MAP3K21: variants seen among roughly 807,000 people sequenced by gnomAD.
The protein encoded by MAP3K21 is mitogen-activated protein kinase kinase kinase 21.
In MAP3K21, 63 loss-of-function variants were observed where a neutral mutation model predicts 86.1. The observed-to-expected ratio is 0.73, with a 90% CI of 0.60 to 0.90. The LOEUF (loss-of-function observed/expected upper bound fraction) is 0.90. MAP3K21 is among the 40% of genes least tolerant of loss of function. MAP3K21 has a pLI of 0.00. For synonymous variants in MAP3K21, 558 were observed against 564.8 expected (o/e 0.99, Z 0.17); for missense variants, 1,220 against 1,367.7 (o/e 0.89, Z 1.70).
chr1:233,327,946 A>G lies in MAP3K21; in HGVS notation c.-83A>G, dbSNP rs914728504. 2 of 1,137,848 alleles carry G rather than the reference A, an allele frequency of 1.8e-6. No homozygotes were observed. Among genetic ancestry groups the G allele is most frequent in the Non-Finnish European group, 2.2e-6 (2 of 906,646 alleles). The allele number at this position is 1,137,848 out of a possible 1,614,324, so 70.5% of individuals were successfully genotyped here. Reference sequence around the variant, plus strand: ...TCGCCTTCCCCCGGCGCCGACGGCCACACCGCCGGACGATGCGCGCCCGCG... The same window carrying G: ...TCGCCTTCCCCCGGCGCCGACGGCCGCACCGCCGGACGATGCGCGCCCGCG... On this transcript the variant is annotated 5_prime_UTR_variant, in exon 1 of 10. Coordinates refer to ENST00000366624, the MANE Select transcript of MAP3K21 (RefSeq NM_032435.3).
chr1:233,347,325 C>T (rs1211884041), intron 2 of MAP3K21, among the ~76,000 whole-genome samples: 3 of 152,150 alleles, frequency 2.0e-5, no homozygotes, highest in Admixed American at 6.5e-5. Context: ...ATTAAAGTCT[C>T]CTATTTGAAG....
At position 233,328,369 on chromosome 1, in the gene MAP3K21, G is replaced by A. The variant is rs1255555413; in HGVS notation, c.341G>A (p.Ser114Asn). Residue 114 changes from serine to asparagine, a missense_variant, in exon 1 of 10, where the codon AGC becomes AAC. Ser to Asn is a conservative substitution (Grantham distance 46). Coordinates refer to ENST00000366624, the MANE Select transcript of MAP3K21 (RefSeq NM_032435.3). The surrounding 1 kb of genome is among the most constrained non-coding windows in gnomAD (Gnocchi z 8.7). ...CCCGCGCCGCCGCCCTCGCGGCCCA[G>A]CTCCCCGGTACACGTCGCCTTCGAG... is the stretch of plus-strand genomic sequence containing the variant. ...ASPAPPPSRPSSPVHVAFERL... is the reference protein window; with the variant it reads ...ASPAPPPSRPNSPVHVAFERL... 23 of 1,477,802 alleles carry A rather than the reference G, an allele frequency of 1.6e-5. No homozygotes were observed. Among genetic ancestry groups the A allele is most frequent in the Non-Finnish European group, 2.0e-5 (22 of 1,122,470 alleles). The allele number at this position is 1,477,802 out of a possible 1,614,324, so 91.5% of individuals were successfully genotyped here. A position where few individuals can be genotyped will look rare whatever the true frequency, so the allele number is the denominator to read the frequency against.
chr1:233,346,522 T>C lies in MAP3K21; in HGVS notation c.886T>C (p.Trp296Arg). The C allele has an allele frequency of 6.2e-7, 1 of 1,613,884 alleles. No homozygotes were observed. Among genetic ancestry groups the C allele is most frequent in the Non-Finnish European group, 8.5e-7 (1 of 1,179,812 alleles). Residue 296 changes from tryptophan (W) to arginine (R), a missense_variant, in exon 2 of 10, where the codon TGG becomes CGG. Physicochemically the swap from Trp to Arg is moderately radical, Grantham distance 101. Coordinates refer to ENST00000366624, the MANE Select transcript of MAP3K21 (RefSeq NM_032435.3). Reference protein sequence around the residue: ...KITDFGLAREWHRTTKMSTAG... With the variant: ...KITDFGLARERHRTTKMSTAG... ...TACAGATTTTGGGTTGGCGAGGGAA[T>C]GGCACAGGACCACCAAAATGAGCAC...
chr1:233,349,942 GA>G (rs756071594), intron 2 of MAP3K21, among the ~76,000 whole-genome samples: 2,701 of 138,122 alleles, frequency 0.02, 65 homozygotes, highest in East Asian at 0.068. Flanking sequence ...TCTCAAAAAA[GA>G]AAAAAAAAAA....
At position 233,362,050 on chromosome 1, in the gene MAP3K21, C is replaced by A. The variant is rs1322736281; in HGVS notation, c.1312-3C>A. 6.2e-7 allele frequency: 1 copy of A among 1,610,922 alleles called. No individual in the cohort carries two copies. The highest frequency in any genetic ancestry group is 1.7e-5 in the Admixed American group (1 of 59,698). ...TTCCGGTGGGTGTGAATCTGTGTCG[C>A]AGGAGCTGCGATCCCGGGAAGAGGA... On this transcript the variant is annotated splice_polypyrimidine_tract_variant and splice_region_variant and intron_variant, in intron 4 of 9. Coordinates refer to ENST00000366624, the MANE Select transcript of MAP3K21 (RefSeq NM_032435.3).
intron 4 of MAP3K21, among the ~76,000 whole-genome samples, chr1:233,356,063 C>T (rs1388245619): frequency 6.6e-6 from 1 of 152,148 alleles, no homozygotes; most frequent in East Asian, 1.9e-4. Flanking sequence ...AACCTTGGCA[C>T]ACGTTCTTTC....
intron 2 of MAP3K21, among the ~76,000 whole-genome samples, chr1:233,348,403 G>A (rs1663188861): frequency 6.6e-6 from 1 of 152,184 alleles, no homozygotes; most frequent in Non-Finnish European, 1.5e-5. Flanking sequence ...CATTTGGGTT[G>A]TTTCCAATTT....
At chr1:233,380,875 C>T (rs1372533918) in intron 9 of MAP3K21, among the ~76,000 whole-genome samples, 1 of 152,182 alleles carries the variant, frequency 6.6e-6, no homozygotes, top group East Asian at 1.9e-4. Flanking sequence ...CAGTGTCTCA[C>T]TCCTCCTCAC....
In MAP3K21 at chr1:233,327,932, C is replaced by A; in HGVS notation, c.-97C>A. On this transcript the variant is annotated 5_prime_UTR_variant, in exon 1 of 10. Transcript: ENST00000366624. ...CGATTCCTACCCCCTCGCCTTCCCC[C>A]GGCGCCGACGGCCACACCGCCGGAC... The A allele has an allele frequency of 2.0e-6, 2 of 1,012,572 alleles. No homozygotes were observed. Among genetic ancestry groups the A allele is most frequent in the Non-Finnish European group, 2.5e-6 (2 of 792,422 alleles). The allele number at this position is 1,012,572 out of a possible 1,614,324, so 62.7% of individuals were successfully genotyped here.
In MAP3K21 at chr1:233,377,101, G is replaced by GATAAATAAATAAATAA. The variant is rs57896561; in HGVS notation, c.1924+583_1924+598dup. Among the ~76,000 whole-genome samples, 98 of 150,990 alleles carry GATAAATAAATAAATAA rather than the reference G, an allele frequency of 6.5e-4. No homozygotes were observed. In the East Asian group the frequency reaches 7.8e-3, roughly 12 times the overall value. On this transcript the variant is annotated intron_variant, in intron 8 of 9. Coordinates refer to ENST00000366624, the MANE Select transcript of MAP3K21 (RefSeq NM_032435.3). ...TAGAGTGAATGAGACTCTATCTCTA[G>GATAAATAAATAAATAA]ATAAATAAATAAATAAATAAATAAG...
Position 233,328,000 on chromosome 1 carries a change from C to T in MAP3K21, c.-29C>T, listed in dbSNP as rs1488724201. On this transcript the variant is annotated 5_prime_UTR_variant, in exon 1 of 10. Coordinates refer to ENST00000366624, the MANE Select transcript of MAP3K21 (RefSeq NM_032435.3). ...GCCCGGGAGGCTGAGCCCAGCTTCC[C>T]GCTCCGCCTTCCCCGCGCAGCTGCC... 1.6e-6 allele frequency: 2 copies of T among 1,250,230 alleles called. No homozygotes were observed. Among genetic ancestry groups the T allele is most frequent in the African/African-American group, 3.1e-5 (2 of 63,934 alleles). The allele number at this position is 1,250,230 out of a possible 1,614,324, so 77.4% of individuals were successfully genotyped here. A position where few individuals can be genotyped will look rare whatever the true frequency, so the allele number is the denominator to read the frequency against.
chr1:233,339,299 TC>T, intron 1 of MAP3K21, among the ~76,000 whole-genome samples: 2 of 139,188 alleles, frequency 1.4e-5, no homozygotes, highest in African/African-American at 5.4e-5. Context: ...TTCCTCTTCT[TC>T]TTCCTCTTCT....
chr1:233,353,959 T>TTG lies in MAP3K21; in HGVS notation c.1135+22_1135+23dup, dbSNP rs367946480. The TTG allele has an allele frequency of 3.2e-4, 476 of 1,506,438 alleles. No homozygotes were observed. Among genetic ancestry groups the TTG allele is most frequent in the East Asian group, 2.0e-3 (82 of 41,578 alleles). The allele number at this position is 1,506,438 out of a possible 1,614,324, so 93.3% of individuals were successfully genotyped here. ...CCGTTTGCCAAGCTCATGAAAGGTA[T>TTG]TGTGTGTGTGTGTGTGTGTCTTTGT... On this transcript the variant is annotated splice_donor_region_variant and intron_variant, in intron 3 of 9. Transcript: ENST00000366624.
At position 233,382,977 on chromosome 1, in the gene MAP3K21, G is replaced by C; in HGVS notation, c.*266G>C. The C allele has an allele frequency of 3.1e-6, 1 of 320,600 alleles. No individual in the cohort carries two copies. Among genetic ancestry groups the C allele is most frequent in the Non-Finnish European group, 5.8e-6 (1 of 172,116 alleles). 19.9% of individuals were successfully genotyped at this position (320,600 alleles called of 1,614,324 possible). On this transcript the variant is annotated 3_prime_UTR_variant, in exon 10 of 10. Coordinates refer to ENST00000366624, the MANE Select transcript of MAP3K21 (RefSeq NM_032435.3). Reference sequence around the variant, plus strand: ...GCACCAATGAAAACTATGCTGGGTCGAATTACCTTCAGCACAATGTTAATG... The same window carrying C: ...GCACCAATGAAAACTATGCTGGGTCCAATTACCTTCAGCACAATGTTAATG...
At chr1:233,341,752 A>G (rs1015522867) in intron 1 of MAP3K21, among the ~76,000 whole-genome samples, 8 of 152,136 alleles carry the variant, frequency 5.3e-5, no homozygotes, top group Non-Finnish European at 8.8e-5. Flanking sequence ...ATAAGGAGGC[A>G]AGGAAGTGTT....
intron 5 of MAP3K21, among the ~76,000 whole-genome samples, chr1:233,368,850 C>T (rs1303757506): frequency 1.3e-5 from 2 of 152,060 alleles, no homozygotes; most frequent in Non-Finnish European, 2.9e-5. Context: ...CTGCTGTGTC[C>T]CCAGTACTAG....
chr1:233,382,190 C>A, intron 9 of MAP3K21, 115 bp from the exon 10 acceptor site: 1 of 916,892 alleles, frequency 1.1e-6, no homozygotes. Flanking sequence ...TTTGTTGAAG[C>A]TCATTTTAAA....
Position 233,362,275 on chromosome 1 carries a change from C to A in MAP3K21, c.1534C>A (p.Arg512=). The change falls in exon 5 of 10, where the codon CGA becomes AGA. Residue 512 remains arginine, a synonymous_variant. Transcript: ENST00000366624. ...TCGTTTAAAGCTCAAAGATGGACATCGAATCAGTTTACCTTCAGGTATGAT... is the reference window on the plus strand; with the variant it reads ...TCGTTTAAAGCTCAAAGATGGACATAGAATCAGTTTACCTTCAGGTATGAT... The part of the protein sequence containing the change: ...RSRLKLKDGH[R]ISLPSDFQHK... 6.2e-7 allele frequency: 1 copy of A among 1,614,146 alleles called. No individual in the cohort carries two copies.
intron 2 of MAP3K21, among the ~76,000 whole-genome samples, chr1:233,347,827 A>G (rs1663179288): frequency 6.6e-6 from 1 of 152,050 alleles, no homozygotes; most frequent in Non-Finnish European, 1.5e-5. Flanking sequence ...CCAAACCTCA[A>G]CATCACACGA....
Sources: allele counts gnomAD v4.1 joint callset (sites outside exome capture counted in the v4.1 genomes callset), GRCh38; gene constraint gnomAD v4.1.1; non-coding constraint Gnocchi (gnomAD v3.1); transcripts MANE v1.5; gene names NCBI Gene and HGNC (gene_info 2026-07-23, HGNC 2026-07-21).